The following RCAN1 variants were observed in gnomAD, a reference collection of about 807,000 sequenced individuals.
RCAN1 encodes regulator of calcineurin 1, also known as calcipressin-1.
In RCAN1, 11 loss-of-function variants were observed where a neutral mutation model predicts 22.9. The ratio of observed to expected loss-of-function variants is 0.48; its 90% confidence interval spans 0.30 to 0.79. RCAN1 has a LOEUF of 0.79. Ranked by LOEUF, RCAN1 falls within the 30% of genes least tolerant of loss-of-function variation. The probability of loss-of-function intolerance (pLI) is 0.06; values close to 1 mark genes in which losing one functional copy is unlikely to be tolerated. For missense variants in RCAN1, 291 were observed against 337.8 expected, an observed-to-expected ratio of 0.86 and a Z score of 1.09; for synonymous variants, 136 against 142.3, an observed-to-expected ratio of 0.96 and a Z score of 0.32.
chr21:34,516,825 C>T lies in RCAN1; in HGVS notation c.*1259G>A, dbSNP rs1215579504. 1 of 152,436 alleles carries T rather than the reference C, an allele frequency of 6.6e-6. No individual in the cohort carries two copies. Among genetic ancestry groups the T allele is most frequent in the African/African-American group, 2.4e-5 (1 of 41,404 alleles). The allele number at this position is 152,436 out of a possible 1,614,324, so 9.4% of individuals were successfully genotyped here. On this transcript the variant is annotated 3_prime_UTR_variant, in exon 4 of 4. Coordinates refer to ENST00000313806, the MANE Select transcript of RCAN1 (RefSeq NM_004414.7). Reference sequence around the variant, plus strand: ...GGTATTGTAAGGCCAAAATATAATACCTATTTACCAGACATACACATTACA... The same window carrying T: ...GGTATTGTAAGGCCAAAATATAATATCTATTTACCAGACATACACATTACA...
intron 1 of RCAN1, among the ~76,000 whole-genome samples, chr21:34,593,813 A>C (rs1396595568): frequency 6.6e-6 from 1 of 152,260 alleles, no homozygotes; most frequent in Admixed American, 6.5e-5. Flanking sequence ...AACCAGGTAC[A>C]GTCCCTGCCC....
chr21:34,589,416 T>C (rs1383612913), intron 1 of RCAN1, among the ~76,000 whole-genome samples: 3 of 152,156 alleles, frequency 2.0e-5, no homozygotes, highest in Non-Finnish European at 4.4e-5. Flanking sequence ...ATTAAAGTTT[T>C]AAGAAGGAGA....
chr21:34,525,017 G>A, intron 1 of RCAN1: 1 of 1,536,718 alleles, frequency 6.5e-7, no homozygotes, highest in South Asian at 1.2e-5. Flanking sequence ...AAGGCAGAAG[G>A]GGCTGGCCAG....
intron 1 of RCAN1, among the ~76,000 whole-genome samples, chr21:34,540,741 C>A (rs1985876002): frequency 6.6e-6 from 1 of 152,074 alleles, no homozygotes; most frequent in Non-Finnish European, 1.5e-5. Context: ...AATCCCAGCA[C>A]TTTGGGAGGC....
chr21:34,540,796 C>G (rs544945485), intron 1 of RCAN1, among the ~76,000 whole-genome samples: 1 of 152,070 alleles, frequency 6.6e-6, no homozygotes, highest in South Asian at 2.1e-4. Context: ...ACAAGCCTGA[C>G]CAACATGGTG....
chr21:34,554,322 C>T (rs1175023094), intron 1 of RCAN1, among the ~76,000 whole-genome samples: 1 of 152,194 alleles, frequency 6.6e-6, no homozygotes, highest in Non-Finnish European at 1.5e-5. Flanking sequence ...TAACTACCTA[C>T]TAGCAAGTCA....
rs146438966 is a variant in RCAN1 at position 34,588,577 on chromosome 21, T to C, written c.252+26183A>G. On this transcript the variant is annotated intron_variant, in intron 1 of 3. Transcript: ENST00000313806. The stretch of plus-strand genomic sequence containing the variant: ...GAGAAATCAGAACTGTTGTGCACTA[T>C]TGATGAAAATGTAAAATGGTGTAGC... 1.2e-4 allele frequency among the ~76,000 whole-genome samples: 18 copies of C among 152,314 alleles called. 1 individual carries two copies. In the East Asian group the frequency reaches 3.5e-3, roughly 29 times the overall value.
At chr21:34,558,384 GACACCC>G (rs1207774116) in intron 1 of RCAN1, among the ~76,000 whole-genome samples, 1 of 152,144 alleles carries the variant, frequency 6.6e-6, no homozygotes, top group Non-Finnish European at 1.5e-5. Context: ...TGTTTAAGCT[GACACCC>G]AACTCCACCT....
intron 1 of RCAN1, among the ~76,000 whole-genome samples, chr21:34,537,881 A>T (rs772657575): frequency 2.6e-4 from 40 of 152,170 alleles, no homozygotes; most frequent in Non-Finnish European, 4.8e-4. Flanking sequence ...GTATGGGCAC[A>T]TCACATTCCT....
chr21:34,581,438 C>T (rs991125627), intron 1 of RCAN1, among the ~76,000 whole-genome samples: 1 of 152,102 alleles, frequency 6.6e-6, no homozygotes, highest in Non-Finnish European at 1.5e-5. Flanking sequence ...CCCCAAAGAC[C>T]CTTTCAGTCT....
intron 1 of RCAN1, among the ~76,000 whole-genome samples, chr21:34,549,145 C>T (rs1252657038): frequency 1.3e-5 from 2 of 152,066 alleles, no homozygotes; most frequent in Non-Finnish European, 1.5e-5. Flanking sequence ...ACAGGCGTGT[C>T]TCTGGCCAGG....
Position 34,614,832 on chromosome 21 carries a change from G to A in RCAN1, c.180C>T (p.Asp60=). ...SFIDCEMEEV[D]LQDLPSATIA... The stretch of plus-strand genomic sequence containing the variant: ...TGGTGGCGCTGGGCAGGTCCTGCAG[G>A]TCCACCTCCTCCATCTCGCAGTCAA... The change falls in exon 1 of 4, where the codon GAC becomes GAT. Residue 60 remains aspartate (D), a synonymous_variant. Transcript: ENST00000313806. The surrounding 1 kb of genome is among the most constrained non-coding windows in gnomAD (Gnocchi z 6.0). 2.0e-6 allele frequency: 3 copies of A among 1,490,448 alleles called. No individual in the cohort carries two copies. Among genetic ancestry groups the A allele is most frequent in the Non-Finnish European group, 2.7e-6 (3 of 1,118,526 alleles). 92.3% of individuals were successfully genotyped at this position (1,490,448 alleles called of 1,614,324 possible).
At chr21:34,607,177 G>A (rs1388245827) in intron 1 of RCAN1, among the ~76,000 whole-genome samples, 1 of 152,146 alleles carries the variant, frequency 6.6e-6, no homozygotes, top group African/African-American at 2.4e-5. Context: ...CGAGTTCTTT[G>A]TTCAGAAATA....
chr21:34,606,246 G>C (rs1207462921), intron 1 of RCAN1, among the ~76,000 whole-genome samples: 1 of 152,156 alleles, frequency 6.6e-6, no homozygotes, highest in Admixed American at 6.5e-5. Flanking sequence ...TCAGCACATA[G>C]GCCCCTCCAG....
rs371189631 is a variant in RCAN1, at chr21:34,530,875, G to A, written c.253-7165C>T. Reference sequence around the variant, plus strand: ...CCTGACCTCGTGATCCACCCGCCTCGGCCTCCCAAAGTGGTAAAGTAGTTT... The same window carrying A: ...CCTGACCTCGTGATCCACCCGCCTCAGCCTCCCAAAGTGGTAAAGTAGTTT... On this transcript the variant is annotated intron_variant, in intron 1 of 3. Transcript: ENST00000313806. Among the ~76,000 whole-genome samples the A allele has an allele frequency of 2.2e-4, 34 of 152,022 alleles. No homozygotes were observed. In the East Asian group the frequency reaches 5.8e-3, roughly 26 times the overall value.
intron 1 of RCAN1, among the ~76,000 whole-genome samples, chr21:34,601,740 C>T (rs1286635252): frequency 2.0e-5 from 3 of 151,274 alleles, no homozygotes; most frequent in Non-Finnish European, 2.9e-5. Flanking sequence ...ATGGCGTGAA[C>T]CTGGGAGGCG....
chr21:34,523,474 G>A lies in RCAN1; in HGVS notation c.426+63C>T, dbSNP rs1984756835. The A allele has an allele frequency of 1.9e-6, 3 of 1,542,884 alleles. No individual in the cohort carries two copies. In the South Asian group the frequency reaches 3.5e-5, roughly 18 times the overall value. On this transcript the variant is annotated intron_variant, in intron 2 of 3. Coordinates refer to ENST00000313806, the MANE Select transcript of RCAN1 (RefSeq NM_004414.7). ...AGCATATAACATAAGCAACGTATAA[G>A]CTGCTTTACAAAAGGGAGGGAGGGA...
At position 34,553,702 on chromosome 21, in the gene RCAN1, G is replaced by T. The variant is rs80171460; in HGVS notation, c.253-29992C>A. ...GAACCACTGTTTCTGGATTCTAAAG[G>T]ACACTGTATATTCCAGTAAGCAAGC... On this transcript the variant is annotated intron_variant, in intron 1 of 3. Transcript: ENST00000313806. Among the ~76,000 whole-genome samples, 3 of 152,246 alleles carry T rather than the reference G, an allele frequency of 2.0e-5. No homozygotes were observed. In the East Asian group the frequency reaches 5.8e-4, roughly 29 times the overall value.
Position 34,517,934 on chromosome 21 carries a change from G to A in RCAN1, c.*150C>T, listed in dbSNP as rs62211555. On this transcript the variant is annotated 3_prime_UTR_variant, in exon 4 of 4. Coordinates refer to ENST00000313806, the MANE Select transcript of RCAN1 (RefSeq NM_004414.7). ...GTGCAGCATTAGAACAAGGGGACAC[G>A]GCCTTGATTCTCTTCTGAGCAACAT... 0.11 allele frequency: 101,516 copies of A among 887,258 alleles called. 6,528 individuals are homozygous for A. Among genetic ancestry groups the A allele is most frequent in the South Asian group, 0.16 (9,698 of 60,916 alleles). 55.0% of individuals were successfully genotyped at this position (887,258 alleles called of 1,614,324 possible).
Sources: allele counts gnomAD v4.1 joint callset (sites outside exome capture counted in the v4.1 genomes callset), GRCh38; gene constraint gnomAD v4.1.1; non-coding constraint Gnocchi (gnomAD v3.1); transcripts MANE v1.5; gene names NCBI Gene and HGNC (gene_info 2026-07-23, HGNC 2026-07-21).